STK3: variants seen among roughly 807,000 people sequenced by gnomAD.
STK3 encodes the protein serine/threonine kinase 3, also known as serine/threonine-protein kinase 3.
Under a neutral mutation model 58.0 loss-of-function variants are expected in STK3, and 41 were observed. That is an observed-to-expected ratio of 0.71 (90% CI 0.55 to 0.92). STK3 has a LOEUF of 0.92. Among genes scored for constraint, STK3 ranks in the 40% least tolerant of loss-of-function variants. The pLI, the probability that STK3 is intolerant of heterozygous loss-of-function variation, is 0.00. For synonymous variants in STK3, 170 were observed against 191.0 expected (o/e 0.89, Z 0.91); for missense variants, 479 against 602.7 (o/e 0.79, Z 2.15).
chr8:98,891,839 C>CTT (rs1302744900), intron 1 of STK3, among the ~76,000 whole-genome samples: 1 of 152,102 alleles, frequency 6.6e-6, no homozygotes, highest in African/African-American at 2.4e-5. Context: ...GGACTCAAGT[C>CTT]ATCATCTATT....
chr8:98,923,125 G>A (rs1449527649), intron 1 of STK3, among the ~76,000 whole-genome samples: 1 of 152,122 alleles, frequency 6.6e-6, no homozygotes, highest in Non-Finnish European at 1.5e-5. Context: ...AAATGGAAAG[G>A]TTTTAAATAT....
intron 2 of STK3, among the ~76,000 whole-genome samples, chr8:98,373,420 A>G (rs150809342): frequency 9.8e-4 from 150 of 152,304 alleles, no homozygotes; most frequent in African/African-American, 3.3e-3. Flanking sequence ...ACATTTACTT[A>G]TGGTCTGGCT....
chr8:98,437,598 C>T (rs1335829784), intron 1 of STK3: 1 of 152,178 alleles, frequency 6.6e-6, no homozygotes, highest in Non-Finnish European at 1.5e-5. Flanking sequence ...ATTTTCAGAC[C>T]TACTATGAAA....
chr8:98,888,646 C>A (rs1184114904), intron 1 of STK3, among the ~76,000 whole-genome samples: 1 of 152,188 alleles, frequency 6.6e-6, no homozygotes, highest in African/African-American at 2.4e-5. Flanking sequence ...GTCCCACATC[C>A]AGATGTTGAA....
At position 98,455,753 on chromosome 8, in the gene STK3, A is replaced by T; in HGVS notation, c.*89T>A. The T allele has an allele frequency of 2.6e-6, 4 of 1,518,354 alleles. No individual in the cohort carries two copies. The highest frequency in any genetic ancestry group is 3.6e-6 in the Non-Finnish European group (4 of 1,124,112). 94.1% of individuals were successfully genotyped at this position (1,518,354 alleles called of 1,614,324 possible). ...GACCTCTGCCTAATTGTAGGGCAAA[A>T]TCTTAGGATTAAAAATATCCAAATA... On this transcript the variant is annotated 3_prime_UTR_variant, in exon 11 of 11. Coordinates refer to ENST00000419617, the MANE Select transcript of STK3 (RefSeq NM_006281.4).
intron 10 of STK3, among the ~76,000 whole-genome samples, chr8:98,493,729 A>C (rs887544102): frequency 1.3e-5 from 2 of 152,198 alleles, no homozygotes; most frequent in Non-Finnish European, 2.9e-5. Context: ...TGGAACTCCA[A>C]TTCTGGTTAT....
the STK3 span, among the ~76,000 whole-genome samples, chr8:98,358,327 G>A: frequency 4.6e-5 from 7 of 152,084 alleles, no homozygotes; most frequent in African/African-American, 1.4e-4. Context: ...TCACACGCCC[G>A]TTACCCAATA....
chr8:98,923,852 TGTGCGC>T (rs1187897918), intron 1 of STK3, among the ~76,000 whole-genome samples: 24 of 128,364 alleles, frequency 1.9e-4, no homozygotes, highest in African/African-American at 3.3e-4. Context: ...TGTGTGTGTG[TGTGCGC>T]GCGCGCGCGC....
intron 3 of STK3, chr8:98,427,855 TG>T: frequency 3.9e-6 from 3 of 764,244 alleles, no homozygotes; most frequent in South Asian, 1.9e-5. Flanking sequence ...CCAGGAGGCC[TG>T]GGCCCGCCAG....
intron 3 of STK3, chr8:98,427,161 G>C (rs1225039367): frequency 6.7e-6 from 1 of 150,346 alleles, no homozygotes; most frequent in Non-Finnish European, 1.5e-5. Flanking sequence ...CGGCGTACCC[G>C]GCCCGAGACG....
At chr8:98,928,169 C>T (rs1839873579) in intron 1 of STK3, among the ~76,000 whole-genome samples, 1 of 152,226 alleles carries the variant, frequency 6.6e-6, no homozygotes, top group South Asian at 2.1e-4. Context: ...TCCACGGCTC[C>T]AGTTGTCCTT....
intron 2 of STK3, among the ~76,000 whole-genome samples, chr8:98,377,415 C>A (rs1220061651): frequency 6.6e-6 from 1 of 151,914 alleles, no homozygotes; most frequent in Non-Finnish European, 1.5e-5. Context: ...ATAGAAATTT[C>A]AATACATTAT....
intron 6 of STK3, among the ~76,000 whole-genome samples, chr8:98,623,062 A>G (rs1471328037): frequency 6.6e-6 from 1 of 152,194 alleles, no homozygotes; most frequent in Non-Finnish European, 1.5e-5. Context: ...TCCAAAATAC[A>G]AGAAAAAGAA....
At chr8:98,597,814 A>G in intron 6 of STK3, 1 of 984,782 alleles carries the variant, frequency 1.0e-6, no homozygotes, top group Non-Finnish European at 1.2e-6. Flanking sequence ...CTCACAGTCA[A>G]CTTGTGCAGA....
At chr8:98,874,815 G>C (rs1422491085) in intron 3 of STK3, among the ~76,000 whole-genome samples, 2 of 151,108 alleles carry the variant, frequency 1.3e-5, no homozygotes, top group Admixed American at 1.3e-4. Context: ...TTAAAGATGG[G>C]GTCTCACTAT....
At chr8:98,412,437 C>T (rs1452460091) in intron 3 of STK3, among the ~76,000 whole-genome samples, 1 of 152,232 alleles carries the variant, frequency 6.6e-6, no homozygotes, top group Non-Finnish European at 1.5e-5. Flanking sequence ...TGGTTCCTTG[C>T]ATGGAACTTC....
chr8:98,764,203 C>T (rs1319028679), intron 3 of STK3, among the ~76,000 whole-genome samples: 1 of 152,184 alleles, frequency 6.6e-6, no homozygotes, highest in African/African-American at 2.4e-5. Context: ...TACAAAAGTT[C>T]TAGAATTCTA....
chr8:98,891,607 C>CTG (rs759597833), intron 1 of STK3, among the ~76,000 whole-genome samples: 1,671 of 140,250 alleles, frequency 0.012, 12 homozygotes, highest in Middle Eastern at 0.022. Context: ...TTAAATAAAA[C>CTG]TGTGTGTGTG....
chr8:98,930,253 G>A (rs1839959024), intron 1 of STK3, among the ~76,000 whole-genome samples: 1 of 152,204 alleles, frequency 6.6e-6, no homozygotes, highest in South Asian at 2.1e-4. Flanking sequence ...GGGAACTCCA[G>A]GTTCCTGTTC....
Sources: gnomAD v4.1 joint callset for allele counts (sites outside exome capture counted in the v4.1 genomes callset) on GRCh38, gnomAD v4.1.1 for gene constraint, MANE v1.5 for transcripts, NCBI Gene and HGNC (gene_info 2026-07-23, HGNC 2026-07-21) for gene names.